The following RIPOR3 variants were observed in gnomAD, a reference collection of about 807,000 sequenced individuals.
The protein encoded by RIPOR3 is family with sequence similarity 65 member C.
RIPOR3 carries 95 observed loss-of-function variants against 114.3 expected under a neutral mutation model. That is an observed-to-expected ratio of 0.83 (90% CI 0.70 to 0.99). The LOEUF (loss-of-function observed/expected upper bound fraction) is 0.99. RIPOR3 is among the 50% of genes least tolerant of loss of function. RIPOR3 has a pLI of 0.00. For missense variants in RIPOR3, 1,252 were observed against 1,266.9 expected (o/e 0.99, Z 0.18); for synonymous variants, 575 against 543.8 (o/e 1.06, Z -0.80).
chr20:50,615,533 A>AG (rs1568864858), intron 4 of RIPOR3, among the ~76,000 whole-genome samples: 2 of 151,240 alleles, frequency 1.3e-5, no homozygotes, highest in African/African-American at 4.8e-5. Context: ...TCAAAAAAAA[A>AG]AAAAAAAAAA....
At chr20:50,612,901 T>A (rs1171664006) in intron 4 of RIPOR3, among the ~76,000 whole-genome samples, 1 of 152,176 alleles carries the variant, frequency 6.6e-6, no homozygotes, top group Non-Finnish European at 1.5e-5. Context: ...AAGACCAGTC[T>A]GGGCAACACA....
intron 1 of RIPOR3, among the ~76,000 whole-genome samples, chr20:50,665,998 G>C (rs1320080162): frequency 6.6e-6 from 1 of 151,226 alleles, no homozygotes; most frequent in African/African-American, 2.4e-5. Flanking sequence ...TATAAATCAG[G>C]GTCCCATCCC....
rs371862558 is a variant in RIPOR3, at chr20:50,647,181, G to T, written c.4-16325C>A. Among the ~76,000 whole-genome samples, 398 of 152,258 alleles carry T rather than the reference G, an allele frequency of 2.6e-3. 4 individuals carry two copies. The South Asian group carries it at 0.034, about 13-fold the overall frequency. On this transcript the variant is annotated intron_variant, in intron 1 of 21. Transcript: ENST00000327979. ...TTAAAAATACAAAAATTAGCCAGGC[G>T]TGGTGGCGGACGCCTGTAATCCCAG...
intron 13 of RIPOR3, among the ~76,000 whole-genome samples, chr20:50,598,091 G>A (rs1362864106): frequency 2.0e-5 from 3 of 152,352 alleles, no homozygotes; most frequent in Admixed American, 2.0e-4. Context: ...AGATCGCCCA[G>A]TTCTAAGAAA....
At chr20:50,682,431 A>G (rs1005619943) in intron 1 of RIPOR3, among the ~76,000 whole-genome samples, 4 of 152,178 alleles carry the variant, frequency 2.6e-5, no homozygotes, top group African/African-American at 9.6e-5. Context: ...AATATGCAAC[A>G]TGGCAAAGCC....
chr20:50,593,938 G>A (rs974060713), intron 17 of RIPOR3, among the ~76,000 whole-genome samples: 6 of 151,944 alleles, frequency 3.9e-5, no homozygotes, highest in South Asian at 2.1e-4. Flanking sequence ...TTCTTTACCC[G>A]TCAGGCTCTG....
At chr20:50,620,911 C>T (rs1226177907) in intron 2 of RIPOR3, 18 of 591,570 alleles carry the variant, frequency 3.0e-5, no homozygotes, top group Middle Eastern at 5.2e-4. Context: ...GTGGCTTTGC[C>T]CTGTACAAGC....
rs531811656 is a variant in RIPOR3, at chr20:50,630,326, G to A, written c.122+412C>T. On this transcript the variant is annotated intron_variant, in intron 2 of 21. Coordinates refer to ENST00000327979, the MANE Select transcript of RIPOR3 (RefSeq NM_001290268.2). ...AGATTGGGTTGTGCTATGTTGCCCA[G>A]GCTGGTCTTGAGTTCCTGGGCTCAA... Among the ~76,000 whole-genome samples the A allele has an allele frequency of 1.2e-4, 19 of 152,206 alleles. No individual in the cohort carries two copies. In the South Asian group the frequency reaches 4.0e-3, roughly 32 times the overall value.
chr20:50,684,294 A>C (rs1327585692), intron 1 of RIPOR3, among the ~76,000 whole-genome samples: 5 of 152,198 alleles, frequency 3.3e-5, no homozygotes, highest in African/African-American at 9.7e-5. Flanking sequence ...TGTTTGTGTA[A>C]AGACCTGCGC....
At position 50,604,712 on chromosome 20, in the gene RIPOR3, C is replaced by T. The variant is rs1410924817; in HGVS notation, c.1019G>A (p.Ser340Asn). 1 of 1,609,868 alleles carries T rather than the reference C, an allele frequency of 6.2e-7. No homozygotes were observed. The highest frequency in any genetic ancestry group is 8.5e-7 in the Non-Finnish European group (1 of 1,178,480). Residue 340 changes from serine to asparagine, a missense_variant, in exon 12 of 22, where the codon AGC becomes AAC. Ser to Asn is a conservative substitution (Grantham distance 46). Coordinates refer to ENST00000327979, the MANE Select transcript of RIPOR3 (RefSeq NM_001290268.2). ...PSPTGKFSMGSRKGSLYNWTP... is the reference protein window; with the variant it reads ...PSPTGKFSMGNRKGSLYNWTP... ...CCAGTTGTACAAGGAGCCCTTCCTG[C>T]TGCCCATAGAAAACTTGCCCGTGGG...
chr20:50,652,440 A>G (rs1241387243), intron 1 of RIPOR3, among the ~76,000 whole-genome samples: 3 of 151,882 alleles, frequency 2.0e-5, no homozygotes, highest in African/African-American at 7.3e-5. Flanking sequence ...AAAATACACA[A>G]ATTAGCCAGG....
At chr20:50,593,241 C>T in intron 17 of RIPOR3, 45 bp from the exon 18 acceptor site, 1 of 1,586,556 alleles carries the variant, frequency 6.3e-7, no homozygotes, top group Non-Finnish European at 8.5e-7. Context: ...AGACCTCGAC[C>T]CTCCACGCTT....
At position 50,609,636 on chromosome 20, in the gene RIPOR3, G is replaced by T; in HGVS notation, c.513C>A (p.Pro171=). ...GGCTCTCTCGGGCTGCGCGGCTCGG[G>T]GGGCACCGGGCGAAGGCCCGCTGCA... ...SSMQRAFARC[P]PSRAARESLQ... Residue 171 remains proline, a synonymous_variant, in exon 7 of 22, where the codon CCC becomes CCA. Coordinates refer to ENST00000327979, the MANE Select transcript of RIPOR3 (RefSeq NM_001290268.2). 7.1e-7 allele frequency: 1 copy of T among 1,402,302 alleles called. No homozygotes were observed. 86.9% of individuals were successfully genotyped at this position (1,402,302 alleles called of 1,614,324 possible).
chr20:50,669,756 A>C (rs2086396520), intron 1 of RIPOR3, among the ~76,000 whole-genome samples: 1 of 152,042 alleles, frequency 6.6e-6, no homozygotes, highest in African/African-American at 2.4e-5. Context: ...GTTCTTGCTC[A>C]GGTAGGTGAC....
intron 1 of RIPOR3, among the ~76,000 whole-genome samples, chr20:50,689,929 T>C (rs950827478): frequency 1.3e-5 from 2 of 152,216 alleles, no homozygotes; most frequent in South Asian, 4.1e-4. Context: ...CCTTTCACTC[T>C]GGCCCGATGC....
chr20:50,613,826 C>G (rs1339765882), intron 4 of RIPOR3, among the ~76,000 whole-genome samples: 1 of 152,110 alleles, frequency 6.6e-6, no homozygotes, highest in Non-Finnish European at 1.5e-5. Flanking sequence ...CTTGGCAGCA[C>G]CTTCTCCCAC....
In RIPOR3 at chr20:50,608,536, T is replaced by TG. The variant is rs764572093; in HGVS notation, c.811-3dup. The TG allele has an allele frequency of 1.3e-5, 21 of 1,613,680 alleles. No individual in the cohort carries two copies. Among genetic ancestry groups the TG allele is most frequent in the Non-Finnish European group, 1.7e-5 (20 of 1,179,862 alleles). ...GCCCAGGCCCCGCAACTCCGTCACC[T>TG]GGGGGTGGGGGCTGGAGGGTGGTGT... is the stretch of plus-strand genomic sequence containing the variant. On this transcript the variant is annotated splice_region_variant and splice_polypyrimidine_tract_variant and intron_variant, in intron 10 of 21. Transcript: ENST00000327979.
At chr20:50,660,591 G>A (rs886445049) in intron 1 of RIPOR3, among the ~76,000 whole-genome samples, 6 of 152,070 alleles carry the variant, frequency 3.9e-5, no homozygotes, top group Middle Eastern at 3.4e-3. Context: ...ACTAGGCCCC[G>A]CCTCCCAACA....
chr20:50,638,360 G>A (rs562792000), intron 1 of RIPOR3, among the ~76,000 whole-genome samples: 16 of 152,348 alleles, frequency 1.1e-4, no homozygotes, highest in Admixed American at 3.3e-4. Flanking sequence ...AGTGAGGACC[G>A]GGATCCAGGG....
Sources: gnomAD v4.1 joint callset for allele counts (sites outside exome capture counted in the v4.1 genomes callset) on GRCh38, gnomAD v4.1.1 for gene constraint, MANE v1.5 for transcripts, NCBI Gene and HGNC (gene_info 2026-07-23, HGNC 2026-07-21) for gene names.